The following MAML3 variants were observed in gnomAD, a reference collection of about 807,000 sequenced individuals.
MAML3 encodes the protein mastermind like transcriptional coactivator 3, also known as mastermind-like protein 3.
Under a neutral mutation model 101.9 loss-of-function variants are expected in MAML3, and 27 were observed. The observed-to-expected ratio is 0.27, with a 90% CI of 0.20 to 0.37. The LOEUF (loss-of-function observed/expected upper bound fraction) is 0.37, where lower values mean the gene tolerates loss of function less well. MAML3 is among the 10% of genes least tolerant of loss of function. MAML3 has a pLI of 1.00. For synonymous variants in MAML3, 501 were observed against 555.9 expected (o/e 0.90, Z 1.39); for missense variants, 1,316 against 1,444.9 (o/e 0.91, Z 1.45).
intron 2 of MAML3, among the ~76,000 whole-genome samples, chr4:139,779,375 G>C (rs1423698773): frequency 3.3e-5 from 5 of 152,116 alleles, no homozygotes; most frequent in African/African-American, 1.2e-4. Context: ...TGGTGGAGTG[G>C]AAGATAATGG....
At chr4:139,760,178 C>T (rs1224620905) in intron 2 of MAML3, among the ~76,000 whole-genome samples, 1 of 152,224 alleles carries the variant, frequency 6.6e-6, no homozygotes, top group East Asian at 1.9e-4. Flanking sequence ...TGATAAGGCA[C>T]TGTCACTGAT....
At chr4:139,809,009 T>G (rs1183541432) in intron 2 of MAML3, among the ~76,000 whole-genome samples, 1 of 152,202 alleles carries the variant, frequency 6.6e-6, no homozygotes, top group Non-Finnish European at 1.5e-5. Context: ...CCACTCACTC[T>G]TTGGAGCCTG....
At chr4:139,806,968 A>G (rs1578610500) in intron 2 of MAML3, among the ~76,000 whole-genome samples, 1 of 152,242 alleles carries the variant, frequency 6.6e-6, no homozygotes, top group South Asian at 2.1e-4. Context: ...TTAAAAACAC[A>G]TCAGGTGCAT....
chr4:140,049,895 T>C (rs556465388), intron 1 of MAML3, among the ~76,000 whole-genome samples: 15 of 150,242 alleles, frequency 1.0e-4, no homozygotes, highest in African/African-American at 3.2e-4. Flanking sequence ...TTTTTTTTTT[T>C]AATTAGTCAA....
intron 2 of MAML3, among the ~76,000 whole-genome samples, chr4:139,834,386 G>A (rs1051738963): frequency 6.6e-6 from 1 of 152,208 alleles, no homozygotes; most frequent in Non-Finnish European, 1.5e-5. Context: ...TTACCCAGTA[G>A]CTTTGCACCA....
chr4:140,123,031 C>G (rs1728632917), intron 1 of MAML3, among the ~76,000 whole-genome samples: 1 of 150,932 alleles, frequency 6.6e-6, no homozygotes, highest in South Asian at 2.1e-4. Context: ...CCATGATACT[C>G]AAAATCAGAC....
At chr4:140,025,376 G>T (rs906797143) in intron 1 of MAML3, among the ~76,000 whole-genome samples, 1 of 152,062 alleles carries the variant, frequency 6.6e-6, no homozygotes, top group Non-Finnish European at 1.5e-5. Flanking sequence ...CAAAATCTTG[G>T]TACTCAGTGT....
intron 2 of MAML3, among the ~76,000 whole-genome samples, chr4:139,749,157 A>G (rs1380720520): frequency 1.3e-5 from 2 of 152,220 alleles, no homozygotes; most frequent in African/African-American, 4.8e-5. Flanking sequence ...TGGTTTATAA[A>G]TGTACAGTTT....
intron 2 of MAML3, among the ~76,000 whole-genome samples, chr4:139,830,503 C>T (rs71606860): frequency 1.2e-3 from 174 of 150,722 alleles, no homozygotes; most frequent in Non-Finnish European, 2.1e-3. Context: ...CAAGCGCCGC[C>T]TCCCGGGTTC....
intron 2 of MAML3, among the ~76,000 whole-genome samples, chr4:139,784,841 A>G (rs1342680452): frequency 6.6e-6 from 1 of 152,034 alleles, no homozygotes; most frequent in Non-Finnish European, 1.5e-5. Context: ...AAGATCCTGG[A>G]GAGGTTTAGA....
chr4:140,082,675 C>T (rs1727879606), intron 1 of MAML3, among the ~76,000 whole-genome samples: 1 of 152,128 alleles, frequency 6.6e-6, no homozygotes, highest in East Asian at 1.9e-4. Context: ...GGCACAAAGT[C>T]CTGCTCATCC....
chr4:140,006,552 C>T (rs1458828995), intron 1 of MAML3, among the ~76,000 whole-genome samples: 19 of 136,046 alleles, frequency 1.4e-4, no homozygotes, highest in Admixed American at 9.7e-4. Flanking sequence ...CGCCGCTGCA[C>T]GCCAGCCTGG....
At chr4:139,962,487 T>G (rs1734038700) in intron 1 of MAML3, among the ~76,000 whole-genome samples, 1 of 152,242 alleles carries the variant, frequency 6.6e-6, no homozygotes, top group African/African-American at 2.4e-5. Context: ...CTCCCCTTTT[T>G]ATGTGACAGC....
At chr4:139,947,602 G>A (rs1733752760) in intron 1 of MAML3, among the ~76,000 whole-genome samples, 1 of 152,126 alleles carries the variant, frequency 6.6e-6, no homozygotes, top group African/African-American at 2.4e-5. Context: ...GCAGAAAGGA[G>A]GGCTGATTTT....
Position 139,907,447 on chromosome 4 carries a change from C to T in MAML3, c.469-16480G>A, listed in dbSNP as rs1396275130. Among the ~76,000 whole-genome samples, 4 of 152,306 alleles carry T rather than the reference C, an allele frequency of 2.6e-5. No individual in the cohort carries two copies. In the East Asian group the frequency reaches 7.7e-4, roughly 29 times the overall value. ...ACCAAATAAGATCCTTATTTTACAT[C>T]AGAGAACAAGAATTCATTACATTCT... On this transcript the variant is annotated intron_variant, in intron 1 of 4. Coordinates refer to ENST00000509479, the MANE Select transcript of MAML3 (RefSeq NM_018717.5).
At chr4:139,736,620 G>C (rs1389123615) in intron 2 of MAML3, among the ~76,000 whole-genome samples, 1 of 152,208 alleles carries the variant, frequency 6.6e-6, no homozygotes, top group African/African-American at 2.4e-5. Context: ...TTCCCAGTAT[G>C]GGCAATTTGG....
chr4:139,740,422 G>A (rs903469736), intron 2 of MAML3: 6 of 152,122 alleles, frequency 3.9e-5, no homozygotes, highest in Non-Finnish European at 1.5e-5. Context: ...GACTGAAAGT[G>A]GTTTGTCAGC....
intron 1 of MAML3, among the ~76,000 whole-genome samples, chr4:140,122,786 C>T (rs1162292371): frequency 2.2e-5 from 1 of 45,448 alleles, no homozygotes; most frequent in Non-Finnish European, 5.0e-5. Context: ...AGCGAGACTC[C>T]GTCTCAAAAA....
At chr4:139,936,901 A>G (rs1733518451) in intron 1 of MAML3, among the ~76,000 whole-genome samples, 1 of 152,166 alleles carries the variant, frequency 6.6e-6, no homozygotes, top group South Asian at 2.1e-4. Context: ...TTAGAAATTC[A>G]TCTTGCTCAA....
Sources: gnomAD v4.1 joint callset for allele counts (sites outside exome capture counted in the v4.1 genomes callset) on GRCh38, gnomAD v4.1.1 for gene constraint, MANE v1.5 for transcripts, NCBI Gene and HGNC (gene_info 2026-07-23, HGNC 2026-07-21) for gene names.